The following GRID2 variants were observed in gnomAD, a reference collection of about 807,000 sequenced individuals.
GRID2 encodes glutamate receptor ionotropic, delta-2.
GRID2 carries 33 observed loss-of-function variants against 114.8 expected under a neutral mutation model. The observed-to-expected ratio is 0.29, with a 90% CI of 0.22 to 0.38. The LOEUF (loss-of-function observed/expected upper bound fraction) is 0.38, where lower values mean the gene tolerates loss of function less well. Among genes scored for constraint, GRID2 ranks in the 10% least tolerant of loss-of-function variants. The pLI is 1.00. For missense variants in GRID2, 1,184 were observed against 1,257.7 expected, an observed-to-expected ratio of 0.94 and a Z score of 0.89; for synonymous variants, 505 against 449.9, an observed-to-expected ratio of 1.12 and a Z score of -1.55.
At chr4:92,327,062 A>G (rs1726635813) in intron 1 of GRID2, among the ~76,000 whole-genome samples, 1 of 151,994 alleles carries the variant, frequency 6.6e-6, no homozygotes, top group Non-Finnish European at 1.5e-5. Flanking sequence ...TGCCAGCCGT[A>G]AAAAATTTAA....
At chr4:92,374,151 C>T (rs1729246057) in intron 1 of GRID2, among the ~76,000 whole-genome samples, 1 of 152,020 alleles carries the variant, frequency 6.6e-6, no homozygotes, top group African/African-American at 2.4e-5. Flanking sequence ...GTTGAAAATG[C>T]CTCATTATGC....
chr4:93,019,467 A>T (rs1336559237), intron 2 of GRID2, among the ~76,000 whole-genome samples: 1 of 152,196 alleles, frequency 6.6e-6, no homozygotes, highest in Non-Finnish European at 1.5e-5. Context: ...GATCAGTTCT[A>T]TGACCTTGGC....
intron 1 of GRID2, among the ~76,000 whole-genome samples, chr4:92,305,346 G>T (rs895819523): frequency 8.5e-5 from 13 of 152,172 alleles, no homozygotes; most frequent in Admixed American, 2.6e-4. Flanking sequence ...CTTTGAGACG[G>T]TGGCAGGAGG....
Position 93,262,284 on chromosome 4 carries a change from T to A in GRID2, c.1245+23794T>A, listed in dbSNP as rs538304554. On this transcript the variant is annotated intron_variant, in intron 8 of 15. Transcript: ENST00000282020. ...TTCTTAGCATTCCTTTCTAAAGCAG[T>A]GCCTCACATAGGACTTCACTCTCTT... 2.6e-5 allele frequency among the ~76,000 whole-genome samples: 4 copies of A among 152,068 alleles called. No individual in the cohort carries two copies. In the South Asian group the frequency reaches 8.3e-4, roughly 31 times the overall value.
In GRID2 at chr4:92,922,439, A is replaced by C. The variant is rs376943253; in HGVS notation, c.245-162556A>C. Among the ~76,000 whole-genome samples, 25 of 152,236 alleles carry C rather than the reference A, an allele frequency of 1.6e-4. 1 individual carries two copies. The East Asian group carries it at 3.7e-3, about 22-fold the overall frequency. On this transcript the variant is annotated intron_variant, in intron 2 of 15. Transcript: ENST00000282020. Reference sequence around the variant, plus strand: ...AAATCACCCATCCTCTGTGTCGCTCATGCTGGGAGCTGTAGACTGGTGCTG... The same window carrying C: ...AAATCACCCATCCTCTGTGTCGCTCCTGCTGGGAGCTGTAGACTGGTGCTG...
chr4:93,526,169 G>T (rs118140358), intron 13 of GRID2, among the ~76,000 whole-genome samples: 1 of 152,106 alleles, frequency 6.6e-6, no homozygotes, highest in African/African-American at 2.4e-5. Flanking sequence ...AGTTTCTCCC[G>T]TGCTGTTCTC....
intron 2 of GRID2, among the ~76,000 whole-genome samples, chr4:92,689,459 C>T (rs1734073469): frequency 6.6e-6 from 1 of 152,296 alleles, no homozygotes; most frequent in Admixed American, 6.5e-5. Flanking sequence ...GTTAGGAACT[C>T]GACCACACAG....
chr4:92,449,014 T>G (rs1720743673), intron 1 of GRID2, among the ~76,000 whole-genome samples: 1 of 152,104 alleles, frequency 6.6e-6, no homozygotes, highest in South Asian at 2.1e-4. Context: ...TTTTCTACAT[T>G]ATTACCTATT....
chr4:92,585,680 T>G (rs1728400106), intron 1 of GRID2, among the ~76,000 whole-genome samples: 1 of 151,982 alleles, frequency 6.6e-6, no homozygotes, highest in Non-Finnish European at 1.5e-5. Flanking sequence ...TCAATATTGT[T>G]AGAGGAAATT....
intron 14 of GRID2, among the ~76,000 whole-genome samples, chr4:93,726,473 T>C (rs1729907234): frequency 6.6e-6 from 1 of 152,236 alleles, no homozygotes; most frequent in Admixed American, 6.5e-5. Flanking sequence ...TGCAGGCTCT[T>C]TTTTGGTTCC....
rs577312718 is a variant in GRID2 at position 93,365,683 on chromosome 4, T to C, written c.1246-29924T>C. Reference sequence around the variant, plus strand: ...AGAGAACAAAGTCTCTGGATACTAATAAAGATAGTTCTCATATAGTTCAGG... The same window carrying C: ...AGAGAACAAAGTCTCTGGATACTAACAAAGATAGTTCTCATATAGTTCAGG... On this transcript the variant is annotated intron_variant, in intron 8 of 15. Transcript: ENST00000282020. Among the ~76,000 whole-genome samples, 313 of 152,270 alleles carry C rather than the reference T, an allele frequency of 2.1e-3. 1 individual carries two copies. The highest frequency in any genetic ancestry group is 0.013 in the South Asian group (62 of 4,830).
At chr4:93,249,942 C>G (rs1748664968) in intron 8 of GRID2, among the ~76,000 whole-genome samples, 1 of 152,108 alleles carries the variant, frequency 6.6e-6, no homozygotes, top group Non-Finnish European at 1.5e-5. Context: ...TGTGGTGATT[C>G]CTCAAGGATA....
intron 1 of GRID2, among the ~76,000 whole-genome samples, chr4:92,372,794 A>G (rs980640906): frequency 2.0e-5 from 3 of 152,120 alleles, no homozygotes; most frequent in Non-Finnish European, 4.4e-5. Context: ...TTTGTACAAG[A>G]GAAATTCAGA....
At chr4:93,199,490 C>T (rs1236063353) in intron 4 of GRID2, among the ~76,000 whole-genome samples, 1 of 152,108 alleles carries the variant, frequency 6.6e-6, no homozygotes, top group African/African-American at 2.4e-5. Flanking sequence ...GTGGGAAGAC[C>T]CCACTGCACA....
chr4:93,633,465 A>G (rs971596606), intron 14 of GRID2, among the ~76,000 whole-genome samples: 2 of 152,090 alleles, frequency 1.3e-5, no homozygotes, highest in African/African-American at 4.8e-5. Flanking sequence ...GTGTGTTTGT[A>G]CATCTCTAGT....
intron 1 of GRID2, among the ~76,000 whole-genome samples, chr4:92,468,924 A>G (rs1721887614): frequency 6.6e-6 from 1 of 152,130 alleles, no homozygotes; most frequent in Non-Finnish European, 1.5e-5. Context: ...GTAGTTCCAG[A>G]GACAAGGCAC....
intron 12 of GRID2, among the ~76,000 whole-genome samples, chr4:93,497,566 A>G (rs1727673737): frequency 6.6e-6 from 1 of 151,676 alleles, no homozygotes; most frequent in Non-Finnish European, 1.5e-5. Context: ...TCAATTTTTC[A>G]CTATGGATAT....
At chr4:93,521,404 C>T (rs1328627933) in intron 13 of GRID2, among the ~76,000 whole-genome samples, 1 of 152,096 alleles carries the variant, frequency 6.6e-6, no homozygotes, top group Non-Finnish European at 1.5e-5. Flanking sequence ...CATCAGGAAA[C>T]TATCAGCTAG....
intron 3 of GRID2, among the ~76,000 whole-genome samples, chr4:93,108,156 T>C (rs990719159): frequency 1.6e-4 from 25 of 152,164 alleles, no homozygotes; most frequent in African/African-American, 6.0e-4. Flanking sequence ...TAAATACTAG[T>C]TTTGCAGAGA....
Sources: allele counts gnomAD v4.1 joint callset (sites outside exome capture counted in the v4.1 genomes callset), GRCh38; gene constraint gnomAD v4.1.1; transcripts MANE v1.5; gene names NCBI Gene and HGNC (gene_info 2026-07-23, HGNC 2026-07-21).